Variants in PSORS1C1 observed in about 807,000 individuals in gnomAD.
PSORS1C1 encodes the protein psoriasis susceptibility 1 candidate 1.
PSORS1C1 carries 7 observed loss-of-function variants against 9.4 expected under a neutral mutation model. The observed-to-expected ratio is 0.75, with a 90% confidence interval of 0.42 to 1.40. The LOEUF (loss-of-function observed/expected upper bound fraction) is 1.40. Ranked by LOEUF, PSORS1C1 falls within the 40% of genes most tolerant of loss-of-function variation. The probability of loss-of-function intolerance (pLI) is 0.01; values close to 1 mark genes in which losing one functional copy is unlikely to be tolerated. For synonymous variants in PSORS1C1, 63 were observed against 69.4 expected, an observed-to-expected ratio of 0.91 and a Z score of 0.46; for missense variants, 146 against 178.1, an observed-to-expected ratio of 0.82 and a Z score of 1.02.
chr6:31,117,353 A>T, intron 1 of PSORS1C1: 1 of 1,577,602 alleles, frequency 6.3e-7, no homozygotes, highest in Non-Finnish European at 8.6e-7. Context: ...CTACCACTGG[A>T]GCCACCACCA....
At chr6:31,122,504 G>A (rs571741745) in intron 1 of PSORS1C1, among the ~76,000 whole-genome samples, 1 of 152,140 alleles carries the variant, frequency 6.6e-6, no homozygotes, top group Non-Finnish European at 1.5e-5. Context: ...GGCTGGGCAC[G>A]GTGGCTCACG....
chr6:31,135,068 G>A lies in PSORS1C1; in HGVS notation c.14-3362G>A, dbSNP rs573484091. On this transcript the variant is annotated intron_variant, in intron 3 of 5. Transcript: ENST00000259881. Reference sequence around the variant, plus strand: ...TGGCCACAAGCAATCCACCCGATTCGGCCTCCCGAAGTGCTGGTATTACAG... The same window carrying A: ...TGGCCACAAGCAATCCACCCGATTCAGCCTCCCGAAGTGCTGGTATTACAG... Among the ~76,000 whole-genome samples, 28 of 152,186 alleles carry A rather than the reference G, an allele frequency of 1.8e-4. No individual in the cohort carries two copies. In the East Asian group the frequency reaches 4.8e-3, roughly 26 times the overall value.
At chr6:31,117,154 T>C in intron 1 of PSORS1C1, 1 of 1,606,412 alleles carries the variant, frequency 6.2e-7, no homozygotes, top group South Asian at 1.1e-5. Context: ...GCTGCTCGAA[T>C]GAGAGCTGCT....
At chr6:31,138,621 C>G (rs749656723) in intron 4 of PSORS1C1, 35 bp from the exon 5 acceptor site, 3 of 1,612,728 alleles carry the variant, frequency 1.9e-6, no homozygotes, top group Admixed American at 1.7e-5. Context: ...TCAGGCCAAC[C>G]TGCAACCCAA....
rs374174493 is a variant in PSORS1C1 at position 31,123,680 on chromosome 6, G to A, written c.-228-1996G>A. 6.2e-4 allele frequency among the ~76,000 whole-genome samples: 94 copies of A among 152,310 alleles called. No homozygotes were observed. The East Asian group carries it at 8.1e-3, about 13-fold the overall frequency. ...CTCCCAGCCATGTATCATGAAGCAG[G>A]CAGGTCACTGTCCCCTCTGGTCCCC... On this transcript the variant is annotated intron_variant, in intron 1 of 5. Coordinates refer to ENST00000259881, the MANE Select transcript of PSORS1C1 (RefSeq NM_014068.3).
chr6:31,116,691 A>C, intron 1 of PSORS1C1: 1 of 1,612,744 alleles, frequency 6.2e-7, no homozygotes, highest in Non-Finnish European at 8.5e-7. Context: ...TCATGCCTGG[A>C]ACCAGATAAC....
chr6:31,132,969 A>G (rs1179989356), intron 3 of PSORS1C1, among the ~76,000 whole-genome samples: 1 of 148,772 alleles, frequency 6.7e-6, no homozygotes, highest in African/African-American at 2.5e-5. Flanking sequence ...ACACCTTCAT[A>G]TTTGTCCACC....
In PSORS1C1 at chr6:31,115,465, C is replaced by A. The variant is rs1244572033; in HGVS notation, c.-229+574C>A. 6.1e-6 allele frequency: 1 copy of A among 164,078 alleles called. No homozygotes were observed. The highest frequency in any genetic ancestry group is 1.3e-5 in the Non-Finnish European group (1 of 74,430). The allele number at this position is 164,078 out of a possible 1,614,324, so 10.2% of individuals were successfully genotyped here. On this transcript the variant is annotated intron_variant, in intron 1 of 5. Transcript: ENST00000259881. The surrounding 1 kb of genome is among the most constrained non-coding windows in gnomAD (Gnocchi z 4.2). ...TGTTGGGGACGGTGATCTAGGAGGGCGTGGTGAGCTCTGTAATGGAGGGTG... is the reference window on the plus strand; with the variant it reads ...TGTTGGGGACGGTGATCTAGGAGGGAGTGGTGAGCTCTGTAATGGAGGGTG...
intron 3 of PSORS1C1, among the ~76,000 whole-genome samples, chr6:31,134,589 G>A (rs573545449): frequency 1.1e-4 from 17 of 152,298 alleles, no homozygotes; most frequent in South Asian, 4.1e-4. Flanking sequence ...ACAGGCGTGA[G>A]CCACCGCGCC....
intron 1 of PSORS1C1, chr6:31,117,126 G>A: frequency 6.2e-7 from 1 of 1,613,864 alleles, no homozygotes. Context: ...TGCTGCTGCT[G>A]AACTGAAAGC....
rs552954732 is a variant in PSORS1C1 at position 31,139,095 on chromosome 6, T to C, written c.167+316T>C. 8.6e-6 allele frequency: 12 copies of C among 1,395,428 alleles called. No homozygotes were observed. In the Admixed American group the frequency reaches 1.5e-4, roughly 18 times the overall value. The allele number at this position is 1,395,428 out of a possible 1,614,324, so 86.4% of individuals were successfully genotyped here. On this transcript the variant is annotated intron_variant, in intron 5 of 5. Coordinates refer to ENST00000259881, the MANE Select transcript of PSORS1C1 (RefSeq NM_014068.3). The surrounding 1 kb of genome is among the most constrained non-coding windows in gnomAD (Gnocchi z 5.2). ...TGCCTGGGAACCCCAAGAGGCTTTA[T>C]AGGGGAGGAGTGGAGGAGGGACCAG...
intron 3 of PSORS1C1, 52 bp from the exon 4 acceptor site, chr6:31,138,378 C>T: frequency 3.7e-6 from 6 of 1,608,688 alleles, no homozygotes; most frequent in Non-Finnish European, 5.1e-6. Flanking sequence ...GCCCCAGCCC[C>T]AGGAGGAGGA....
At chr6:31,127,031 C>G (rs1221852828) in intron 2 of PSORS1C1, among the ~76,000 whole-genome samples, 1 of 152,174 alleles carries the variant, frequency 6.6e-6, no homozygotes, top group East Asian at 1.9e-4. Flanking sequence ...ATTATGTGCA[C>G]CTGTTAAATA....
intron 1 of PSORS1C1, among the ~76,000 whole-genome samples, chr6:31,124,555 T>C (rs1486811683): frequency 6.6e-6 from 1 of 152,246 alleles, no homozygotes; most frequent in Non-Finnish European, 1.5e-5. Context: ...ACTCTGCAGC[T>C]GACACCATGC....
chr6:31,140,015 C>A lies in PSORS1C1; in HGVS notation c.*83C>A. On this transcript the variant is annotated 3_prime_UTR_variant, in exon 6 of 6. Coordinates refer to ENST00000259881, the MANE Select transcript of PSORS1C1 (RefSeq NM_014068.3). The surrounding 1 kb of genome is among the most constrained non-coding windows in gnomAD (Gnocchi z 4.6). ...GTTAGCCTTTCAGAAGTAACATGTC[C>A]AAAATAAAATTTGATTCCTCCCAGG... 3.0e-6 allele frequency: 4 copies of A among 1,353,144 alleles called. No individual in the cohort carries two copies. Among genetic ancestry groups the A allele is most frequent in the South Asian group, 2.6e-5 (2 of 76,066 alleles). 83.8% of individuals were successfully genotyped at this position (1,353,144 alleles called of 1,614,324 possible).
intron 3 of PSORS1C1, among the ~76,000 whole-genome samples, chr6:31,133,389 C>G (rs114545482): frequency 6.6e-6 from 1 of 151,890 alleles, no homozygotes; most frequent in African/African-American, 2.4e-5. Context: ...ACAGCACACA[C>G]GAAGGCTGAT....
chr6:31,118,837 C>CTTTTTTTTTTTTTTTTTTT lies in PSORS1C1; in HGVS notation c.-229+3948_-229+3949insTTTTTTTTTTTTTTTTTTT, dbSNP rs201665595. 1.1e-4 allele frequency: 10 copies of CTTTTTTTTTTTTTTTTTTT among 92,488 alleles called. 1 individual carries two copies. Among genetic ancestry groups the CTTTTTTTTTTTTTTTTTTT allele is most frequent in the East Asian group, 4.0e-4 (1 of 2,518 alleles). The allele number at this position is 92,488 out of a possible 1,614,324, so 5.7% of individuals were successfully genotyped here. A position where few individuals can be genotyped will look rare whatever the true frequency, so the allele number is the denominator to read the frequency against. On this transcript the variant is annotated intron_variant, in intron 1 of 5. Coordinates refer to ENST00000259881, the MANE Select transcript of PSORS1C1 (RefSeq NM_014068.3). ...ATCATCCACCTGGAAGTTTTTTCTT[C>CTTTTTTTTTTTTTTTTTTT]TTCTTCTTTTTTTTTTTTTTTTTTG...
intron 3 of PSORS1C1, among the ~76,000 whole-genome samples, chr6:31,130,374 C>T (rs1457775684): frequency 6.6e-6 from 1 of 151,148 alleles, no homozygotes; most frequent in Non-Finnish European, 1.5e-5. Flanking sequence ...TGCTGAGTAG[C>T]TGGGACTACA....
intron 3 of PSORS1C1, among the ~76,000 whole-genome samples, chr6:31,135,007 A>C (rs971560518): frequency 6.6e-6 from 1 of 151,552 alleles, no homozygotes; most frequent in Non-Finnish European, 1.5e-5. Flanking sequence ...CTGTAGAAAC[A>C]GTTTTGCCAT....
Sources: allele counts gnomAD v4.1 joint callset (sites outside exome capture counted in the v4.1 genomes callset), GRCh38; gene constraint gnomAD v4.1.1; non-coding constraint Gnocchi (gnomAD v3.1); transcripts MANE v1.5; gene names NCBI Gene and HGNC (gene_info 2026-07-23, HGNC 2026-07-21).